ERBB4: variants seen among roughly 807,000 people sequenced by gnomAD.
The protein encoded by ERBB4 is receptor tyrosine-protein kinase erbB-4.
Under a neutral mutation model 158.0 loss-of-function variants are expected in ERBB4, and 42 were observed. The observed-to-expected ratio is 0.27, with a 90% confidence interval of 0.21 to 0.34. The LOEUF (loss-of-function observed/expected upper bound fraction) is 0.34. Ranked by LOEUF, ERBB4 falls within the 10% of genes least tolerant of loss-of-function variation. The pLI, the probability that ERBB4 is intolerant of heterozygous loss-of-function variation, is 1.00. For missense variants in ERBB4, 1,333 were observed against 1,624.1 expected (o/e 0.82, Z 3.08); for synonymous variants, 583 against 558.7 (o/e 1.04, Z -0.61).
chr2:212,205,505 T>C (rs1003473232), intron 1 of ERBB4, among the ~76,000 whole-genome samples: 2 of 152,222 alleles, frequency 1.3e-5, no homozygotes, highest in East Asian at 3.8e-4. Flanking sequence ...ATAGAAACCA[T>C]TTTAAAGAAA....
intron 2 of ERBB4, among the ~76,000 whole-genome samples, chr2:212,092,800 CA>C (rs1178902545): frequency 6.6e-6 from 1 of 152,060 alleles, no homozygotes; most frequent in African/African-American, 2.4e-5. Context: ...GGGAACATCA[CA>C]ACCGGGGCCT....
chr2:212,077,536 A>T (rs2078309560), intron 2 of ERBB4, among the ~76,000 whole-genome samples: 1 of 152,020 alleles, frequency 6.6e-6, no homozygotes, highest in African/African-American at 2.4e-5. Flanking sequence ...GAAGGAAGAC[A>T]CAAAAGAATA....
chr2:211,556,014 G>T (rs1005056407), intron 20 of ERBB4, among the ~76,000 whole-genome samples: 5 of 152,112 alleles, frequency 3.3e-5, no homozygotes, highest in African/African-American at 1.2e-4. Context: ...CCAATTAAAG[G>T]CACAGAGTGG....
chr2:212,340,090 C>G (rs1505354), intron 1 of ERBB4, among the ~76,000 whole-genome samples: 1 of 151,010 alleles, frequency 6.6e-6, no homozygotes, highest in Non-Finnish European at 1.5e-5. Flanking sequence ...GGCTGAAGTG[C>G]AGTGGAGTGA....
intron 2 of ERBB4, among the ~76,000 whole-genome samples, chr2:212,074,179 GAACTCTGTA>G (rs2078209470): frequency 6.6e-6 from 1 of 151,904 alleles, no homozygotes; most frequent in East Asian, 1.9e-4. Flanking sequence ...TAGCCAATAA[GAACTCTGTA>G]AAAATGCAAA....
At chr2:212,537,536 T>G (rs1011760512) in intron 1 of ERBB4, among the ~76,000 whole-genome samples, 3 of 151,946 alleles carry the variant, frequency 2.0e-5, no homozygotes, top group African/African-American at 7.3e-5. Context: ...GCTCGAGCTC[T>G]CCAGCAAGCA....
chr2:212,185,181 C>A (rs2081983605), intron 1 of ERBB4, among the ~76,000 whole-genome samples: 1 of 151,844 alleles, frequency 6.6e-6, no homozygotes, highest in African/African-American at 2.4e-5. Context: ...CCACCACATT[C>A]AGCTAAGTTT....
At chr2:212,391,759 C>T (rs1285775785) in intron 1 of ERBB4, among the ~76,000 whole-genome samples, 4 of 139,284 alleles carry the variant, frequency 2.9e-5, no homozygotes, top group Admixed American at 2.2e-4. Flanking sequence ...ATAATATTGA[C>T]ATATATTATA....
At chr2:211,990,282 TG>T (rs1460172415) in intron 2 of ERBB4, among the ~76,000 whole-genome samples, 2 of 151,892 alleles carry the variant, frequency 1.3e-5, no homozygotes, top group African/African-American at 2.4e-5. Flanking sequence ...TTAAAATATC[TG>T]GGGGGATTAA....
At chr2:212,210,688 G>C (rs901114533) in intron 1 of ERBB4, among the ~76,000 whole-genome samples, 1 of 152,006 alleles carries the variant, frequency 6.6e-6, no homozygotes, top group African/African-American at 2.4e-5. Context: ...CAAGAGAATC[G>C]AGAGTCAGAT....
intron 1 of ERBB4, among the ~76,000 whole-genome samples, chr2:212,413,767 A>C (rs866923989): frequency 6.6e-6 from 1 of 152,170 alleles, no homozygotes; most frequent in Admixed American, 6.5e-5. Context: ...ATTTATTTTT[A>C]TATGACATGT....
intron 2 of ERBB4, among the ~76,000 whole-genome samples, chr2:212,036,311 T>G (rs1019065592): frequency 6.6e-6 from 1 of 152,168 alleles, no homozygotes; most frequent in African/African-American, 2.4e-5. Flanking sequence ...TGACTTGTTA[T>G]GGGCAACATG....
intron 1 of ERBB4, among the ~76,000 whole-genome samples, chr2:212,191,851 A>G (rs1369010946): frequency 7.8e-6 from 1 of 127,508 alleles, no homozygotes; most frequent in East Asian, 2.2e-4. Context: ...TACATGTTAT[A>G]TATGTTCTAT....
At chr2:212,198,916 G>C (rs541439361) in intron 1 of ERBB4, among the ~76,000 whole-genome samples, 1 of 151,980 alleles carries the variant, frequency 6.6e-6, no homozygotes, top group African/African-American at 2.4e-5. Context: ...ATCTGTTGAT[G>C]TTTATTGGGA....
At chr2:212,069,481 G>T (rs938395471) in intron 2 of ERBB4, among the ~76,000 whole-genome samples, 1 of 151,962 alleles carries the variant, frequency 6.6e-6, no homozygotes, top group African/African-American at 2.4e-5. Flanking sequence ...AAGACTTAAT[G>T]CTTCCCCACT....
intron 1 of ERBB4, among the ~76,000 whole-genome samples, chr2:212,228,235 A>T (rs1439113305): frequency 6.6e-6 from 1 of 152,226 alleles, no homozygotes; most frequent in Non-Finnish European, 1.5e-5. Flanking sequence ...ATAGATAATC[A>T]TCTAAAAACT....
intron 20 of ERBB4, among the ~76,000 whole-genome samples, chr2:211,479,648 C>G (rs929739067): frequency 2.7e-4 from 41 of 152,098 alleles, no homozygotes; most frequent in African/African-American, 9.9e-4. Context: ...CAGGAACTGG[C>G]AAACGTAACA....
intron 12 of ERBB4, among the ~76,000 whole-genome samples, chr2:211,688,469 A>G (rs9784139): frequency 0.011 from 1,715 of 151,800 alleles, 30 homozygotes; most frequent in African/African-American, 0.039. Flanking sequence ...CACCTCATTT[A>G]TTTTCTCACT....
intron 25 of ERBB4, among the ~76,000 whole-genome samples, chr2:211,391,189 C>A (rs1411074445): frequency 2.0e-5 from 3 of 152,166 alleles, no homozygotes; most frequent in East Asian, 3.9e-4. Context: ...CTTCTCATTT[C>A]TCTCTCCCTC....
Sources: allele counts gnomAD v4.1 joint callset (sites outside exome capture counted in the v4.1 genomes callset), GRCh38; gene constraint gnomAD v4.1.1; transcripts MANE v1.5; gene names NCBI Gene and HGNC (gene_info 2026-07-23, HGNC 2026-07-21).